Variants in SRGAP2C observed in about 807,000 individuals in gnomAD.
SRGAP2C encodes the protein SLIT-ROBO Rho GTPase-activating protein 2C.
SRGAP2C carries 15 observed loss-of-function variants against 25.1 expected under a neutral mutation model. The ratio of observed to expected loss-of-function variants is 0.60; its 90% CI spans 0.40 to 0.92. SRGAP2C has a LOEUF of 0.92. SRGAP2C is among the 40% of genes least tolerant of loss of function. The pLI is 0.00. For missense variants in SRGAP2C, 144 were observed against 264.4 expected (o/e 0.54, Z 3.16); for synonymous variants, 44 against 96.6 (o/e 0.46, Z 3.19).
At chr1:121,357,011 C>T (rs1437617093) in intron 4 of SRGAP2C, among the ~76,000 whole-genome samples, 1 of 150,492 alleles carries the variant, frequency 6.6e-6, no homozygotes, top group South Asian at 2.1e-4. Flanking sequence ...CACCCTTGTC[C>T]CGAGTATGCC....
In SRGAP2C at chr1:121,322,789, C is replaced by T. The variant is rs1658238977; in HGVS notation, c.261-1689C>T. On this transcript the variant is annotated intron_variant, in intron 3 of 9. Transcript: ENST00000367123. ...GTTACTACTATAGAATTGGAAAAGCCTTCTAAGTTGAACTTCATGGTTTAC... is the reference window on the plus strand; with the variant it reads ...GTTACTACTATAGAATTGGAAAAGCTTTCTAAGTTGAACTTCATGGTTTAC... Among the ~76,000 whole-genome samples the T allele has an allele frequency of 2.6e-5, 4 of 151,424 alleles. No homozygotes were observed. In the South Asian group the frequency reaches 6.3e-4, roughly 24 times the overall value.
chr1:121,217,698 C>A (rs1553324955), intron 2 of SRGAP2C, among the ~76,000 whole-genome samples: 2 of 152,200 alleles, frequency 1.3e-5, no homozygotes, highest in Admixed American at 1.3e-4. Context: ...TGACAGACTG[C>A]ATCTCGATGG....
chr1:121,385,822 C>T (rs587624089), intron 8 of SRGAP2C, among the ~76,000 whole-genome samples: 1 of 150,986 alleles, frequency 6.6e-6, no homozygotes, highest in South Asian at 2.1e-4. Flanking sequence ...GACAGTGGAA[C>T]AGCCATTCCT....
chr1:121,291,111 C>CA (rs1166238475), intron 3 of SRGAP2C, among the ~76,000 whole-genome samples: 6,771 of 101,438 alleles, frequency 0.067, 1,204 homozygotes, highest in African/African-American at 0.23. Context: ...AAAGTAAGAG[C>CA]AAAAAAAAAA....
At chr1:121,186,357 G>T (rs1392357616) in intron 1 of SRGAP2C, among the ~76,000 whole-genome samples, 1 of 92,230 alleles carries the variant, frequency 1.1e-5, no homozygotes, top group Admixed American at 1.1e-4. Context: ...GTCCCGTGCC[G>T]AGCAGGCTTT....
intron 3 of SRGAP2C, among the ~76,000 whole-genome samples, chr1:121,314,540 T>C (rs1658049932): frequency 6.6e-6 from 1 of 152,082 alleles, no homozygotes; most frequent in African/African-American, 2.4e-5. Context: ...TTCTGTTTTT[T>C]CCCCATCTTT....
rs1192742234 is a variant in SRGAP2C, at chr1:121,185,008, C to T, written c.-659C>T. 3.9e-6 allele frequency: 2 copies of T among 511,988 alleles called. No individual in the cohort carries two copies. Among genetic ancestry groups the T allele is most frequent in the Non-Finnish European group, 6.8e-6 (2 of 292,814 alleles). The allele number at this position is 511,988 out of a possible 1,614,324, so 31.7% of individuals were successfully genotyped here. On this transcript the variant is annotated 5_prime_UTR_variant, in exon 1 of 10. Coordinates refer to ENST00000367123, the MANE Select transcript of SRGAP2C (RefSeq NM_001329984.2). ...GCGGAGTTGGCGGAGGCGGCGGAGG[C>T]TCCTCCAGGGACTGGGGCACCGATC... is the stretch of plus-strand genomic sequence containing the variant.
chr1:121,345,442 TA>T (rs1658718629), intron 4 of SRGAP2C, among the ~76,000 whole-genome samples: 1 of 147,558 alleles, frequency 6.8e-6, no homozygotes, highest in African/African-American at 2.5e-5. Flanking sequence ...GTTACTACAG[TA>T]GTTCATTCAA....
chr1:121,380,531 C>G (rs1385710240), intron 7 of SRGAP2C, among the ~76,000 whole-genome samples: 1 of 151,314 alleles, frequency 6.6e-6, no homozygotes, highest in Non-Finnish European at 1.5e-5. Context: ...GCTATTGAAC[C>G]TTGCTCAAAT....
chr1:121,366,858 T>C (rs1659335996), intron 5 of SRGAP2C, among the ~76,000 whole-genome samples: 1 of 149,314 alleles, frequency 6.7e-6, no homozygotes, highest in Non-Finnish European at 1.5e-5. Context: ...TCAGTGGGAC[T>C]CAAGGCAGCA....
chr1:121,289,224 G>A (rs1397291278), intron 3 of SRGAP2C, among the ~76,000 whole-genome samples: 1 of 150,248 alleles, frequency 6.7e-6, no homozygotes, highest in South Asian at 2.1e-4. Context: ...CAGACATGGC[G>A]GGCTGCAGGT....
At chr1:121,359,879 T>G (rs1432594030) in intron 4 of SRGAP2C, among the ~76,000 whole-genome samples, 1 of 152,034 alleles carries the variant, frequency 6.6e-6, no homozygotes, top group East Asian at 1.9e-4. Context: ...CTCAGTGGAG[T>G]GGGGACTTGG....
intron 3 of SRGAP2C, among the ~76,000 whole-genome samples, chr1:121,307,421 G>A (rs1431556536): frequency 1.4e-5 from 2 of 145,466 alleles, no homozygotes; most frequent in African/African-American, 2.5e-5. Context: ...TAAATTTTTT[G>A]GTGTGCATAA....
At chr1:121,362,362 G>T (rs1443106930) in intron 4 of SRGAP2C, among the ~76,000 whole-genome samples, 10 of 150,834 alleles carry the variant, frequency 6.6e-5, no homozygotes, top group African/African-American at 2.2e-4. Context: ...GCCAGAGGGA[G>T]CAGTAAGTCA....
At chr1:121,286,155 C>G (rs1320179453) in intron 3 of SRGAP2C, among the ~76,000 whole-genome samples, 2 of 151,290 alleles carry the variant, frequency 1.3e-5, no homozygotes, top group African/African-American at 4.9e-5. Context: ...CCATTGTGAT[C>G]GGAGTTAATC....
intron 3 of SRGAP2C, among the ~76,000 whole-genome samples, chr1:121,295,799 T>G (rs1180414492): frequency 6.6e-6 from 1 of 152,138 alleles, no homozygotes; most frequent in Non-Finnish European, 1.5e-5. Flanking sequence ...TTCGCTCTTG[T>G]TGCCCAGGCT....
chr1:121,314,314 G>C (rs1271773110), intron 3 of SRGAP2C, among the ~76,000 whole-genome samples: 2 of 149,252 alleles, frequency 1.3e-5, no homozygotes, highest in Non-Finnish European at 3.0e-5. Flanking sequence ...GGTTATTCTA[G>C]TTATACATTC....
chr1:121,271,639 TAGTG>T (rs1199001157), intron 2 of SRGAP2C, among the ~76,000 whole-genome samples: 1 of 121,112 alleles, frequency 8.3e-6, no homozygotes, highest in Non-Finnish European at 1.7e-5. Context: ...GAAAGCAAAT[TAGTG>T]AGCCACAACC....
rs61711288 is a variant in SRGAP2C at position 121,272,160 on chromosome 1, CAAAAAAAAAA to C, written c.68-12634_68-12625del. ...TGGGCAACAGAGCGAGACTCCATCT[CAAAAAAAAAA>C]AAAAAAAAGAAGAAGAAATGTATGT... On this transcript the variant is annotated intron_variant, in intron 2 of 9. Transcript: ENST00000367123. Among the ~76,000 whole-genome samples the C allele has an allele frequency of 2.5e-3, 23 of 9,194 alleles. 1 individual carries two copies. Among genetic ancestry groups the C allele is most frequent in the Admixed American group, 4.3e-3 (3 of 698 alleles). 6.0% of individuals were successfully genotyped at this position (9,194 alleles called of 152,430 possible).
Sources: gnomAD v4.1 joint callset for allele counts (sites outside exome capture counted in the v4.1 genomes callset) on GRCh38, gnomAD v4.1.1 for gene constraint, MANE v1.5 for transcripts, NCBI Gene and HGNC (gene_info 2026-07-23, HGNC 2026-07-21) for gene names.